MRTFA: variants seen among roughly 807,000 people sequenced by gnomAD.
MRTFA encodes the protein myocardin related transcription factor A, also known as myocardin-related transcription factor A.
MRTFA carries 20 observed loss-of-function variants against 83.5 expected under a neutral mutation model. The ratio of observed to expected loss-of-function variants is 0.24; its 90% CI spans 0.17 to 0.35. MRTFA has a LOEUF of 0.35. Ranked by LOEUF, MRTFA falls within the 10% of genes least tolerant of loss-of-function variation. The pLI is 1.00. For missense variants in MRTFA, 1,200 were observed against 1,224.7 expected (o/e 0.98, Z 0.30); for synonymous variants, 659 against 541.2 (o/e 1.22, Z -3.02).
intron 1 of MRTFA, among the ~76,000 whole-genome samples, chr22:40,621,116 A>T (rs868471147): frequency 6.6e-6 from 1 of 151,088 alleles, no homozygotes; most frequent in African/African-American, 2.4e-5. Flanking sequence ...CAGGAGATGG[A>T]GGCTGCATTG....
At chr22:40,506,099 T>A (rs1322342933) in intron 3 of MRTFA, among the ~76,000 whole-genome samples, 2 of 152,030 alleles carry the variant, frequency 1.3e-5, no homozygotes, top group African/African-American at 4.8e-5. Flanking sequence ...CCGGGCATGG[T>A]AGCGGGCGCC....
chr22:40,563,025 G>A (rs1602434048), intron 2 of MRTFA, among the ~76,000 whole-genome samples: 1 of 152,098 alleles, frequency 6.6e-6, no homozygotes. Flanking sequence ...CAGGGAATCA[G>A]TCATCCAAAT....
intron 3 of MRTFA, among the ~76,000 whole-genome samples, chr22:40,536,278 G>T (rs911007042): frequency 6.6e-6 from 1 of 152,072 alleles, no homozygotes; most frequent in Non-Finnish European, 1.5e-5. Flanking sequence ...ACTCCAGCCT[G>T]GGCAACAGAG....
intron 3 of MRTFA, among the ~76,000 whole-genome samples, chr22:40,494,157 T>C (rs979516267): frequency 1.3e-5 from 2 of 152,222 alleles, no homozygotes; most frequent in African/African-American, 2.4e-5. Flanking sequence ...CTCTTATCTA[T>C]TGGCTTAGAG....
Position 40,410,777 on chromosome 22 carries a change from G to GCCC in MRTFA, c.*610_*612dup, listed in dbSNP as rs749105759. ...AGGGAGTTGCACCCATCTCCTGTCC[G>GCCC]CCCCCCCCCAAAAATATATATGTAT... is the stretch of plus-strand genomic sequence containing the variant. On this transcript the variant is annotated 3_prime_UTR_variant, in exon 15 of 15. Coordinates refer to ENST00000355630, the MANE Select transcript of MRTFA (RefSeq NM_020831.6). 40 of 228,928 alleles carry GCCC rather than the reference G, an allele frequency of 1.7e-4. No individual in the cohort carries two copies. The highest frequency in any genetic ancestry group is 7.6e-4 in the African/African-American group (34 of 44,572). The allele number at this position is 228,928 out of a possible 1,614,324, so 14.2% of individuals were successfully genotyped here.
intron 4 of MRTFA, among the ~76,000 whole-genome samples, chr22:40,442,662 G>A (rs78273078): frequency 1.3e-5 from 2 of 151,916 alleles, no homozygotes; most frequent in African/African-American, 4.8e-5. Flanking sequence ...GTGGGGAAAA[G>A]AGACAAATAT....
intron 2 of MRTFA, chr22:40,587,836 A>C (rs1017745673): frequency 2.6e-6 from 1 of 378,872 alleles, no homozygotes; most frequent in African/African-American, 2.1e-5. Context: ...CTGCTAATTC[A>C]CTAACAAGAT....
intron 2 of MRTFA, among the ~76,000 whole-genome samples, chr22:40,570,412 T>TA (rs1419418676): frequency 2.7e-5 from 4 of 150,586 alleles, no homozygotes; most frequent in African/African-American, 9.8e-5. Flanking sequence ...TGTCTCTACT[T>TA]AAAAAAATAC....
chr22:40,522,636 C>G (rs958780371), intron 3 of MRTFA: 7 of 152,272 alleles, frequency 4.6e-5, no homozygotes, highest in African/African-American at 1.7e-4. Flanking sequence ...AGCAATTCTC[C>G]TGCCTCCGCC....
In MRTFA at chr22:40,457,486, G is replaced by GA. The variant is rs750318222; in HGVS notation, c.307+5734dup. ...AGAAAGAAAGAAAGAAAGAAAGAAA[G>GA]AAGGAAAGAAAGAAAGAGAAAGAAA... On this transcript the variant is annotated intron_variant, in intron 4 of 14. Transcript: ENST00000355630. Among the ~76,000 whole-genome samples the GA allele has an allele frequency of 2.8e-3, 359 of 127,900 alleles. 2 individuals carry two copies. Among genetic ancestry groups the GA allele is most frequent in the South Asian group, 0.012 (46 of 3,804 alleles). 83.9% of individuals were successfully genotyped at this position (127,900 alleles called of 152,430 possible). A position where few individuals can be genotyped will look rare whatever the true frequency, so the allele number is the denominator to read the frequency against.
chr22:40,518,497 G>A (rs955138245), intron 3 of MRTFA, among the ~76,000 whole-genome samples: 2 of 151,542 alleles, frequency 1.3e-5, no homozygotes, highest in Non-Finnish European at 2.9e-5. Flanking sequence ...GTAGAGTACA[G>A]AAAAAAACAA....
intron 2 of MRTFA, among the ~76,000 whole-genome samples, chr22:40,589,793 C>A (rs983049253): frequency 2.0e-5 from 3 of 152,022 alleles, no homozygotes; most frequent in Admixed American, 6.6e-5. Context: ...CTTTGGGAGG[C>A]CGAGGCAGGC....
intron 1 of MRTFA, among the ~76,000 whole-genome samples, chr22:40,618,231 C>T (rs1460530818): frequency 2.7e-5 from 4 of 150,036 alleles, no homozygotes; most frequent in East Asian, 2.0e-4. Context: ...CCCGCCACCA[C>T]GCCTGGCTAA....
intron 3 of MRTFA, among the ~76,000 whole-genome samples, chr22:40,529,780 C>A (rs2055044079): frequency 6.6e-6 from 1 of 152,106 alleles, no homozygotes; most frequent in Non-Finnish European, 1.5e-5. Context: ...TTAATCAAAT[C>A]TTATAATACT....
At chr22:40,423,112 G>A (rs910015990) in intron 9 of MRTFA, among the ~76,000 whole-genome samples, 18 of 152,332 alleles carry the variant, frequency 1.2e-4, no homozygotes, top group South Asian at 4.1e-4. Flanking sequence ...GGTAACCCCC[G>A]CCTCCTGCAG....
chr22:40,422,476 T>A (rs1317023820), intron 9 of MRTFA, among the ~76,000 whole-genome samples: 1 of 152,096 alleles, frequency 6.6e-6, no homozygotes, highest in Non-Finnish European at 1.5e-5. Context: ...GAGAAGAGAA[T>A]GCAGGTGCAG....
At chr22:40,619,563 A>G (rs1444570186) in intron 1 of MRTFA, among the ~76,000 whole-genome samples, 1 of 152,202 alleles carries the variant, frequency 6.6e-6, no homozygotes, top group Non-Finnish European at 1.5e-5. Flanking sequence ...GCAGTAAAAC[A>G]TAAGAGGAAA....
intron 4 of MRTFA, among the ~76,000 whole-genome samples, chr22:40,442,852 G>C (rs929403396): frequency 2.6e-5 from 4 of 152,122 alleles, no homozygotes; most frequent in African/African-American, 7.2e-5. Context: ...AGGTATAAAA[G>C]AACAAGGCAA....
At chr22:40,622,049 T>C (rs1310420149) in intron 1 of MRTFA, among the ~76,000 whole-genome samples, 1 of 152,160 alleles carries the variant, frequency 6.6e-6, no homozygotes, top group African/African-American at 2.4e-5. Context: ...GTATTTTGCC[T>C]GTGGAACAGA....
Sources: allele counts gnomAD v4.1 joint callset (sites outside exome capture counted in the v4.1 genomes callset), GRCh38; gene constraint gnomAD v4.1.1; transcripts MANE v1.5; gene names NCBI Gene and HGNC (gene_info 2026-07-23, HGNC 2026-07-21).